The following CDH3 variants were observed in gnomAD, a reference collection of about 807,000 sequenced individuals.
CDH3 encodes the protein cadherin 3, also known as cadherin-3.
In CDH3, 54 loss-of-function variants were observed where a neutral mutation model predicts 82.0. The observed-to-expected ratio is 0.66, with a 90% CI of 0.53 to 0.83. CDH3 has a LOEUF of 0.83. Ranked by LOEUF, CDH3 falls within the 40% of genes least tolerant of loss-of-function variation. CDH3 has a pLI of 0.00. For missense variants in CDH3, 1,054 were observed against 1,084.6 expected (o/e 0.97, Z 0.40); for synonymous variants, 446 against 437.9 (o/e 1.02, Z -0.23).
At chr16:68,660,106 T>C (rs1960519534) in intron 2 of CDH3, among the ~76,000 whole-genome samples, 1 of 152,146 alleles carries the variant, frequency 6.6e-6, no homozygotes, top group South Asian at 2.1e-4. Flanking sequence ...AATCTAACTA[T>C]CAGTAATTGC....
In CDH3 at chr16:68,645,350, G is replaced by C; in HGVS notation, c.-30G>C. 6.2e-7 allele frequency: 1 copy of C among 1,610,792 alleles called. No homozygotes were observed. The highest frequency in any genetic ancestry group is 8.5e-7 in the Non-Finnish European group (1 of 1,178,394). ...GAGCGGAACACCGGCCCGCCGTCGC[G>C]GCAGCTGCTTCACCCCTCTCTCTGC... On this transcript the variant is annotated 5_prime_UTR_variant, in exon 1 of 16. Coordinates refer to ENST00000264012, the MANE Select transcript of CDH3 (RefSeq NM_001793.6).
downstream of CDH3, among the ~76,000 whole-genome samples, chr16:68,730,162 G>C (rs1352308659): frequency 3.3e-5 from 5 of 151,508 alleles, no homozygotes; most frequent in East Asian, 7.8e-4. Flanking sequence ...GCACCTGGGA[G>C]GCGGAGGTTG....
At chr16:68,691,287 A>G (rs1961566699) in intron 12 of CDH3, among the ~76,000 whole-genome samples, 1 of 152,108 alleles carries the variant, frequency 6.6e-6, no homozygotes, top group Non-Finnish European at 1.5e-5. Flanking sequence ...TGCAGGCATA[A>G]GCCACTGCGC....
At chr16:68,647,727 T>C (rs1423484861) in intron 2 of CDH3, among the ~76,000 whole-genome samples, 1 of 152,148 alleles carries the variant, frequency 6.6e-6, no homozygotes, top group Admixed American at 6.5e-5. Flanking sequence ...ACAAAACATA[T>C]TGCTATTTCT....
intron 1 of CDH3, among the ~76,000 whole-genome samples, chr16:68,706,849 C>T (rs986483702): frequency 2.0e-5 from 3 of 152,114 alleles, no homozygotes; most frequent in African/African-American, 4.8e-5. Context: ...CCACTGTGCC[C>T]GGCCAGTAGT....
downstream of CDH3, among the ~76,000 whole-genome samples, chr16:68,731,732 G>T (rs573861013): frequency 3.2e-4 from 49 of 151,890 alleles, no homozygotes; most frequent in African/African-American, 1.2e-3. Flanking sequence ...AGCTACTTGG[G>T]AGGCTGAGGT....
chr16:68,645,642 T>G lies in CDH3; in HGVS notation c.52T>G (p.Trp18Gly), dbSNP rs1396384908. Reference sequence around the variant, plus strand: ...TCTCTGCCCTCGGGCGCAGGTTTGCTGGCTGCAGTGCGCGGCCTCCGAGCC... The same window carrying G: ...TCTCTGCCCTCGGGCGCAGGTTTGCGGGCTGCAGTGCGCGGCCTCCGAGCC... Reference protein sequence around the residue: ...LASLLLLQVCWLQCAASEPCR... With the variant: ...LASLLLLQVCGLQCAASEPCR... The change falls in exon 2 of 16, where the codon TGG (tryptophan) becomes GGG (glycine). Residue 18 changes from tryptophan (W) to glycine (G), a missense_variant. By Grantham distance (184) the Trp-to-Gly change is radical. Transcript: ENST00000264012. 3 of 1,541,982 alleles carry G rather than the reference T, an allele frequency of 1.9e-6. No homozygotes were observed. Among genetic ancestry groups the G allele is most frequent in the Non-Finnish European group, 2.6e-6 (3 of 1,146,506 alleles).
intron 1 of CDH3, among the ~76,000 whole-genome samples, chr16:68,719,260 A>G (rs1962132900): frequency 1.3e-5 from 2 of 151,724 alleles, no homozygotes; most frequent in Non-Finnish European, 2.9e-5. Context: ...AAAAGAAAAA[A>G]AAAAAAGATA....
intron 2 of CDH3, among the ~76,000 whole-genome samples, chr16:68,664,982 G>C (rs1960695361): frequency 6.6e-6 from 1 of 152,106 alleles, no homozygotes; most frequent in African/African-American, 2.4e-5. Context: ...TCCTATGCTT[G>C]CCTCTATGGC....
At chr16:68,648,016 C>T (rs1434167611) in intron 2 of CDH3, among the ~76,000 whole-genome samples, 4 of 152,160 alleles carry the variant, frequency 2.6e-5, no homozygotes, top group Non-Finnish European at 5.9e-5. Context: ...GTGCATCTTC[C>T]CCTTCAAAGC....
chr16:68,651,614 A>G (rs1376335851), intron 2 of CDH3: 2 of 504,316 alleles, frequency 4.0e-6, no homozygotes, highest in African/African-American at 1.9e-5. Context: ...TCATGTTCCC[A>G]CTCTCAAACA....
At chr16:68,714,425 A>G (rs1199885794) in intron 1 of CDH3, among the ~76,000 whole-genome samples, 1 of 152,170 alleles carries the variant, frequency 6.6e-6, no homozygotes, top group East Asian at 1.9e-4. Flanking sequence ...GCTGGTCTCT[A>G]GTCTCTCAAC....
chr16:68,685,380 G>A (rs1383806614), intron 11 of CDH3, 30 bp downstream of exon 11: 4 of 1,612,770 alleles, frequency 2.5e-6, no homozygotes, highest in Non-Finnish European at 3.4e-6. Context: ...CCTCCCACAA[G>A]GGCCACTTTT....
chr16:68,679,718 A>AAAC, intron 6 of CDH3, 81 bp from the exon 7 acceptor site: 1 of 766,986 alleles, frequency 1.3e-6, no homozygotes, highest in Non-Finnish European at 2.0e-6. Context: ...AAAAAAAAAA[A>AAAC]GAAAAGAAAA....
At chr16:68,703,270 C>T (rs958315285), downstream of CDH3, among the ~76,000 whole-genome samples, 3 of 152,158 alleles carry the variant, frequency 2.0e-5, no homozygotes, top group African/African-American at 4.8e-5. Flanking sequence ...GCTGGGGCCC[C>T]GAATTCCCGG....
At chr16:68,709,662 T>C (rs529588988) in intron 1 of CDH3, among the ~76,000 whole-genome samples, 2 of 152,180 alleles carry the variant, frequency 1.3e-5, no homozygotes, top group South Asian at 2.1e-4. Flanking sequence ...TTTCGCCATA[T>C]TGGCTAGGCT....
chr16:68,731,491 CATATATATAT>C (rs1423319391), downstream of CDH3, among the ~76,000 whole-genome samples: 1 of 35,296 alleles, frequency 2.8e-5, no homozygotes, highest in East Asian at 5.5e-4. Context: ...CGTATATACA[CATATATATAT>C]ACACACACAC....
At chr16:68,679,517 A>G (rs527358106) in intron 6 of CDH3, among the ~76,000 whole-genome samples, 1 of 152,072 alleles carries the variant, frequency 6.6e-6, no homozygotes, top group Non-Finnish European at 1.5e-5. Context: ...ACATGGTGAA[A>G]TCCTATCTCT....
In CDH3 at chr16:68,645,663, G is replaced by A; in HGVS notation, c.73G>A (p.Glu25Lys). Residue 25 changes from glutamate (E) to lysine (K), a missense_variant, in exon 2 of 16, where the codon GAG (glutamate) becomes AAG (lysine). Coordinates refer to ENST00000264012, the MANE Select transcript of CDH3 (RefSeq NM_001793.6). ...TTGCTGGCTGCAGTGCGCGGCCTCC[G>A]AGCCGTGCCGGGCGGTCTTCAGGGA... ...QVCWLQCAAS[E>K]PCRAVFREAE... 1.3e-6 allele frequency: 2 copies of A among 1,543,968 alleles called. No homozygotes were observed. Among genetic ancestry groups the A allele is most frequent in the South Asian group, 1.2e-5 (1 of 83,968 alleles).
Sources: allele counts gnomAD v4.1 joint callset (sites outside exome capture counted in the v4.1 genomes callset), GRCh38; gene constraint gnomAD v4.1.1; transcripts MANE v1.5; gene names NCBI Gene and HGNC (gene_info 2026-07-23, HGNC 2026-07-21).